The following CYP4F3 variants were observed in gnomAD, a reference collection of about 807,000 sequenced individuals.
CYP4F3 encodes the protein cytochrome P450 4F3.
CYP4F3 carries 50 observed loss-of-function variants against 54.8 expected under a neutral mutation model. The observed-to-expected ratio is 0.91, with a 90% confidence interval of 0.73 to 1.16. The LOEUF (loss-of-function observed/expected upper bound fraction) is 1.16. Ranked by LOEUF, CYP4F3 falls within the 50% of genes most tolerant of loss-of-function variation. CYP4F3 has a pLI of 0.00. For missense variants in CYP4F3, 715 were observed against 676.2 expected, an observed-to-expected ratio of 1.06 and a Z score of -0.64; for synonymous variants, 244 against 262.6, an observed-to-expected ratio of 0.93 and a Z score of 0.69.
intron 9 of CYP4F3, among the ~76,000 whole-genome samples, chr19:15,654,308 A>C (rs1178893067): frequency 1.3e-5 from 2 of 152,260 alleles, no homozygotes; most frequent in Non-Finnish European, 2.9e-5. Context: ...TAATACATTC[A>C]TATAATTGAT....
Position 15,649,195 on chromosome 19 carries a change from C to G in CYP4F3, c.561C>G (p.Ala187=). ...AGCTCCTGGCCTCAGAGGGTAGTGC[C>G]CGTCTGGACATGTTTGAGCACATCA... is the stretch of plus-strand genomic sequence containing the variant. The part of the protein sequence containing the change: ...KWQLLASEGS[A]RLDMFEHISL... The change falls in exon 6 of 13, where the codon GCC becomes GCG. Residue 187 remains alanine, a synonymous_variant. Coordinates refer to ENST00000221307, the MANE Select transcript of CYP4F3 (RefSeq NM_000896.3). 6.2e-7 allele frequency: 1 copy of G among 1,613,464 alleles called. No individual in the cohort carries two copies. Among genetic ancestry groups the G allele is most frequent in the East Asian group, 2.2e-5 (1 of 44,838 alleles).
At position 15,658,347 on chromosome 19, in the gene CYP4F3, G is replaced by A. The variant is rs770543204; in HGVS notation, c.1199G>A (p.Arg400His). The A allele has an allele frequency of 3.7e-6, 6 of 1,614,102 alleles. No individual in the cohort carries two copies. The Admixed American group carries it at 6.7e-5, about 18-fold the overall frequency. ...CATCCCCCAGTCCCTGCCGTCTCTC[G>A]CTGCTGCACCCAAGACATTGTGCTC... is the stretch of plus-strand genomic sequence containing the variant. ...RLHPPVPAVS[R>H]CCTQDIVLPD... The change falls in exon 10 of 13, where the codon CGC (arginine) becomes CAC (histidine). Residue 400 changes from arginine (R) to histidine (H), a missense_variant. Coordinates refer to ENST00000221307, the MANE Select transcript of CYP4F3 (RefSeq NM_000896.3).
At chr19:15,650,476 G>A (rs2144651130) in intron 7 of CYP4F3, among the ~76,000 whole-genome samples, 1 of 152,256 alleles carries the variant, frequency 6.6e-6, no homozygotes, top group Non-Finnish European at 1.5e-5. Context: ...CTGGGTCTAT[G>A]TTTATGTTTT....
chr19:15,649,371 C>T lies in CYP4F3; in HGVS notation c.647+90C>T, dbSNP rs903986294. On this transcript the variant is annotated intron_variant, in intron 6 of 12. Coordinates refer to ENST00000221307, the MANE Select transcript of CYP4F3 (RefSeq NM_000896.3). ...GGGAGGACTGAGCAGGGAAATCAGA[C>T]AAACCTTCTTGGAGGAGTTGTTATA... The T allele has an allele frequency of 8.9e-5, 142 of 1,594,050 alleles. 1 individual carries two copies. Among genetic ancestry groups the T allele is most frequent in the Non-Finnish European group, 1.2e-4 (140 of 1,167,740 alleles).
chr19:15,646,068 A>G (rs1445561345), intron 3 of CYP4F3, among the ~76,000 whole-genome samples: 1 of 152,176 alleles, frequency 6.6e-6, no homozygotes, highest in African/African-American at 2.4e-5. Flanking sequence ...AAGTGTCTCT[A>G]TGGTGGCTGT....
chr19:15,653,768 G>T (rs964726907), intron 9 of CYP4F3, among the ~76,000 whole-genome samples: 339 of 150,888 alleles, frequency 2.2e-3, no homozygotes, highest in Non-Finnish European at 4.1e-3. Context: ...GAGAGAGAGA[G>T]AGAGAGAGAG....
chr19:15,643,453 G>T (rs546242987), intron 2 of CYP4F3, among the ~76,000 whole-genome samples: 1 of 151,940 alleles, frequency 6.6e-6, no homozygotes. Flanking sequence ...TAGATAGATA[G>T]ATAGACAGAC....
intron 9 of CYP4F3, among the ~76,000 whole-genome samples, chr19:15,657,171 A>G (rs1195334615): frequency 2.0e-5 from 3 of 152,204 alleles, no homozygotes; most frequent in Admixed American, 2.0e-4. Context: ...CTTGTCTCCA[A>G]ACTTTTGCTA....
At position 15,660,540 on chromosome 19, in the gene CYP4F3, C is replaced by G. The variant is rs551320769; in HGVS notation, c.*1155C>G. On this transcript the variant is annotated 3_prime_UTR_variant, in exon 13 of 13. Coordinates refer to ENST00000221307, the MANE Select transcript of CYP4F3 (RefSeq NM_000896.3). ...CAATTTTATGGACTGGACGTTAACT[C>G]TCTTGCTCAAGGTCACTCTGAGTGG... The G allele has an allele frequency of 9.0e-6, 1 of 110,788 alleles. No individual in the cohort carries two copies. The highest frequency in any genetic ancestry group is 1.8e-5 in the Non-Finnish European group (1 of 54,626). 6.9% of individuals were successfully genotyped at this position (110,788 alleles called of 1,614,324 possible).
chr19:15,654,837 C>T (rs904853650), intron 9 of CYP4F3, among the ~76,000 whole-genome samples: 6 of 152,268 alleles, frequency 3.9e-5, no homozygotes, highest in Admixed American at 3.3e-4. Context: ...GATGTCTCTT[C>T]CATATATTTA....
At chr19:15,647,360 T>C in intron 5 of CYP4F3, 36 bp downstream of exon 5, 1 of 1,613,040 alleles carries the variant, frequency 6.2e-7, no homozygotes, top group African/African-American at 1.3e-5. Flanking sequence ...AGCTGCAGCC[T>C]TTGGTTGGGG....
intron 9 of CYP4F3, among the ~76,000 whole-genome samples, chr19:15,654,533 C>T (rs933940227): frequency 7.2e-5 from 11 of 152,206 alleles, no homozygotes; most frequent in African/African-American, 2.7e-4. Context: ...ATCCTTCCCT[C>T]CCCTCTGCCA....
intron 2 of CYP4F3, among the ~76,000 whole-genome samples, chr19:15,643,452 AG>A (rs1972533811): frequency 6.6e-6 from 1 of 152,042 alleles, no homozygotes; most frequent in African/African-American, 2.4e-5. Flanking sequence ...ATAGATAGAT[AG>A]ATAGACAGAC....
chr19:15,655,552 T>C (rs1972989651), intron 9 of CYP4F3, among the ~76,000 whole-genome samples: 1 of 152,234 alleles, frequency 6.6e-6, no homozygotes, highest in Non-Finnish European at 1.5e-5. Flanking sequence ...AAGCTCCACC[T>C]TAGCGGTGAC....
rs1196480116 is a variant in CYP4F3 at position 15,645,823 on chromosome 19, C to T, written c.303C>T (p.Ile101=). ...WVGPWHAIVR[I]FHPTYIKPVL... ...GGCCCTGGCACGCAATCGTCCGCAT[C>T]TTCCACCCCACCTACATCAAGCCTG... Residue 101 remains isoleucine, a synonymous_variant, in exon 3 of 13, where the codon ATC becomes ATT. Transcript: ENST00000221307. 4 of 1,613,776 alleles carry T rather than the reference C, an allele frequency of 2.5e-6. No homozygotes were observed. In the East Asian group the frequency reaches 8.9e-5, roughly 36 times the overall value.
rs757529020 is a variant in CYP4F3, at chr19:15,658,744, CT to C, written c.1335del (p.Phe445LeufsTer34). 108 of 1,614,138 alleles carry C rather than the reference CT, an allele frequency of 6.7e-5. 1 individual carries two copies. In the South Asian group the frequency reaches 1.0e-3, roughly 15 times the overall value. On this transcript the variant is annotated frameshift_variant, in exon 12 of 13. Coordinates refer to ENST00000221307, the MANE Select transcript of CYP4F3 (RefSeq NM_000896.3). LOFTEE classifies it high-confidence loss of function. ...GCCTCCAGGTCTATGACCCCTTTCG[CT>C]TTGACCCAAAGAACATCAAGGAGAG... ...PDPEVYDPFR[F>X]DPKNIKERSP... is the part of the protein sequence containing the mutation.
At chr19:15,654,314 T>C (rs1327823150) in intron 9 of CYP4F3, among the ~76,000 whole-genome samples, 3 of 152,272 alleles carry the variant, frequency 2.0e-5, no homozygotes, top group African/African-American at 7.2e-5. Flanking sequence ...ATTCATATAA[T>C]TGATAAAGAT....
chr19:15,647,479 A>G (rs1315962944), intron 5 of CYP4F3, among the ~76,000 whole-genome samples, 155 bp downstream of exon 5: 2 of 152,108 alleles, frequency 1.3e-5, no homozygotes, highest in African/African-American at 4.8e-5. Context: ...CCTACTTAAA[A>G]GAAGGTCAAG....
rs1041980663 is a variant in CYP4F3, at chr19:15,645,951, C to T, written c.343+88C>T. On this transcript the variant is annotated intron_variant, in intron 3 of 12. Coordinates refer to ENST00000221307, the MANE Select transcript of CYP4F3 (RefSeq NM_000896.3). The stretch of plus-strand genomic sequence containing the variant: ...GGTCTCTGTGCTGCCTCCAGCGGGT[C>T]GCGTGCCCATGTGCAGACAGGAGGG... The T allele has an allele frequency of 5.5e-6, 8 of 1,453,892 alleles. No homozygotes were observed. In the Admixed American group the frequency reaches 7.1e-5, roughly 13 times the overall value. The allele number at this position is 1,453,892 out of a possible 1,614,324, so 90.1% of individuals were successfully genotyped here.
Sources: gnomAD v4.1 joint callset for allele counts (sites outside exome capture counted in the v4.1 genomes callset) on GRCh38, gnomAD v4.1.1 for gene constraint, MANE v1.5 for transcripts, NCBI Gene and HGNC (gene_info 2026-07-23, HGNC 2026-07-21) for gene names.